SOCS7: variants seen among roughly 807,000 people sequenced by gnomAD.
The protein encoded by SOCS7 is NAP-4.
A neutral mutation model predicts 58.9 loss-of-function variants in SOCS7; 18 were observed. That is an observed-to-expected ratio of 0.31 (90% CI 0.21 to 0.45). SOCS7 has a LOEUF of 0.45. SOCS7 is among the 20% of genes least tolerant of loss of function. SOCS7 has a pLI of 1.00. For synonymous variants in SOCS7, 388 were observed against 364.3 expected, an observed-to-expected ratio of 1.06 and a Z score of -0.74; for missense variants, 667 against 837.3, an observed-to-expected ratio of 0.80 and a Z score of 2.51.
chr17:38,362,523 C>A (rs1004778839), intron 2 of SOCS7, among the ~76,000 whole-genome samples: 1 of 152,148 alleles, frequency 6.6e-6, no homozygotes, highest in Non-Finnish European at 1.5e-5. Flanking sequence ...GACTGAGAAG[C>A]CTTTAAAAAA....
At chr17:38,398,779 T>C (rs776179976) in intron 9 of SOCS7, among the ~76,000 whole-genome samples, 1 of 152,116 alleles carries the variant, frequency 6.6e-6, no homozygotes, top group Non-Finnish European at 1.5e-5. Context: ...CCCTGTCCAG[T>C]TGACAGAAGC....
rs770562468 is a variant in SOCS7 at position 38,377,851 on chromosome 17, G to A, written c.1681+9G>A. 13 of 1,607,784 alleles carry A rather than the reference G, an allele frequency of 8.1e-6. No individual in the cohort carries two copies. In the African/African-American group the frequency reaches 1.1e-4, roughly 13 times the overall value. ...AAGATCCAGGGTTCCAGGTAAGGCT[G>A]TACTTCTGTTAATTATTTAACTTAA... On this transcript the variant is annotated intron_variant, in intron 7 of 9. Coordinates refer to ENST00000612932, the MANE Select transcript of SOCS7 (RefSeq NM_014598.4).
chr17:38,356,601 G>T (rs759446130), intron 1 of SOCS7, among the ~76,000 whole-genome samples: 20 of 151,924 alleles, frequency 1.3e-4, no homozygotes, highest in Non-Finnish European at 2.5e-4. Context: ...CTGAGCTCAG[G>T]CAGTCCGCCC....
intron 7 of SOCS7, among the ~76,000 whole-genome samples, chr17:38,391,455 A>G (rs575737722): frequency 3.3e-5 from 5 of 152,278 alleles, no homozygotes; most frequent in African/African-American, 1.2e-4. Context: ...CAGTGGTACA[A>G]TCATAGCTCA....
rs1322341830 is a variant in SOCS7 at position 38,368,067 on chromosome 17, A to G, written c.1552+17A>G. On this transcript the variant is annotated intron_variant, in intron 6 of 9. Transcript: ENST00000612932. ...ACTACAGAGGTAAGAGATACTGGTA[A>G]GAGAGGCTTCTTCCCCCCTTGATTT... 1.3e-6 allele frequency: 2 copies of G among 1,571,730 alleles called. No individual in the cohort carries two copies. Among genetic ancestry groups the G allele is most frequent in the Admixed American group, 3.6e-5 (2 of 55,476 alleles).
At position 38,405,200 on chromosome 17, in the gene SOCS7, G is replaced by A. The variant is rs1341050106; in HGVS notation, c.*5718G>A. ...ACTAAATGGTTAAAATAGACTTGCA[G>A]GCCAATCTTAAATGGGGTGGGAGGG... On this transcript the variant is annotated 3_prime_UTR_variant, in exon 10 of 10. Transcript: ENST00000612932. The A allele has an allele frequency of 6.6e-6, 1 of 152,104 alleles. No individual in the cohort carries two copies. Among genetic ancestry groups the A allele is most frequent in the Non-Finnish European group, 1.5e-5 (1 of 68,030 alleles). 9.4% of individuals were successfully genotyped at this position (152,104 alleles called of 1,614,324 possible). A position where few individuals can be genotyped will look rare whatever the true frequency, so the allele number is the denominator to read the frequency against.
intron 7 of SOCS7, among the ~76,000 whole-genome samples, chr17:38,387,047 A>G (rs1255720104): frequency 1.5e-5 from 2 of 136,746 alleles, no homozygotes; most frequent in African/African-American, 5.7e-5. Context: ...GCGCCACTGC[A>G]TTTCAGCCTG....
In SOCS7 at chr17:38,352,464, A is replaced by G. The variant is rs1175937237; in HGVS notation, c.412A>G (p.Lys138Glu). Reference protein sequence around the residue: ...GLGQPAGPGVKTVGGGCCPCP... With the variant: ...GLGQPAGPGVETVGGGCCPCP... ...CGGGCAGCCGGCGGGGCCGGGGGTC[A>G]AGACAGTCGGTGGGGGTTGCTGCCC... Residue 138 changes from lysine (K) to glutamate (E), a missense_variant, in exon 1 of 10, where the codon AAG (lysine) becomes GAG (glutamate). By Grantham distance (56) the Lys-to-Glu change is moderately conservative. Around this residue, in one of 9 missense-constraint regions of SOCS7, gnomAD observed 154 missense variants for 156.3 expected, o/e 0.98. Transcript: ENST00000612932. The surrounding 1 kb of genome is among the most constrained non-coding windows in gnomAD (Gnocchi z 5.5). 1 of 1,504,104 alleles carries G rather than the reference A, an allele frequency of 6.6e-7. No individual in the cohort carries two copies. Among genetic ancestry groups the G allele is most frequent in the East Asian group, 2.5e-5 (1 of 40,338 alleles). The allele number at this position is 1,504,104 out of a possible 1,614,324, so 93.2% of individuals were successfully genotyped here. A position where few individuals can be genotyped will look rare whatever the true frequency, so the allele number is the denominator to read the frequency against.
chr17:38,384,189 G>T (rs753263739), intron 7 of SOCS7, among the ~76,000 whole-genome samples: 2 of 152,120 alleles, frequency 1.3e-5, no homozygotes, highest in Non-Finnish European at 2.9e-5. Flanking sequence ...AATAAACCCT[G>T]TGTATCCATC....
chr17:38,366,363 C>T lies in SOCS7; in HGVS notation c.1329C>T (p.Pro443=). The stretch of plus-strand genomic sequence containing the variant: ...AACCCCCACAGCACCTCCAGTGTCC[C>T]CTCTACCGGCCTGACTCGAGCAGCT... The part of the protein sequence containing the change: ...HSQPPQHLQC[P]LYRPDSSSFA... Residue 443 remains proline, a synonymous_variant, in exon 5 of 10, where the codon CCC becomes CCT. Transcript: ENST00000612932. 1.9e-6 allele frequency: 3 copies of T among 1,614,218 alleles called. No homozygotes were observed. Among genetic ancestry groups the T allele is most frequent in the Non-Finnish European group, 2.5e-6 (3 of 1,180,038 alleles).
chr17:38,367,703 T>C (rs1003129571), intron 5 of SOCS7, among the ~76,000 whole-genome samples, 179 bp from the exon 6 acceptor site: 2 of 152,256 alleles, frequency 1.3e-5, no homozygotes, highest in Non-Finnish European at 2.9e-5. Flanking sequence ...TTTGGAGGGC[T>C]AAAAGTATAG....
chr17:38,356,076 A>G (rs1372125932), intron 1 of SOCS7, among the ~76,000 whole-genome samples: 7 of 151,688 alleles, frequency 4.6e-5, no homozygotes, highest in Admixed American at 6.6e-5. Context: ...TTTTTAGTAG[A>G]GCTGGGGTTT....
intron 5 of SOCS7, among the ~76,000 whole-genome samples, chr17:38,367,539 A>T (rs1203047657): frequency 6.6e-6 from 1 of 151,068 alleles, no homozygotes; most frequent in African/African-American, 2.4e-5. Flanking sequence ...AAACCCAGCT[A>T]ATTTTTGTAT....
chr17:38,362,634 C>G (rs1199076551), intron 2 of SOCS7, among the ~76,000 whole-genome samples: 1 of 152,166 alleles, frequency 6.6e-6, no homozygotes, highest in East Asian at 1.9e-4. Flanking sequence ...GTTAAGCAGG[C>G]CAATGAGACT....
chr17:38,382,246 A>G (rs985288183), intron 7 of SOCS7, among the ~76,000 whole-genome samples: 5 of 151,804 alleles, frequency 3.3e-5, no homozygotes, highest in Non-Finnish European at 7.4e-5. Flanking sequence ...TGGATAATGT[A>G]GAGAGACCTC....
intron 1 of SOCS7, among the ~76,000 whole-genome samples, chr17:38,357,105 A>G (rs1281919715): frequency 6.6e-6 from 1 of 152,196 alleles, no homozygotes; most frequent in Non-Finnish European, 1.5e-5. Context: ...TGGGGGGGAA[A>G]AAAACAAAAT....
intron 7 of SOCS7, among the ~76,000 whole-genome samples, chr17:38,390,450 C>A (rs191656998): frequency 5.9e-5 from 9 of 152,182 alleles, no homozygotes; most frequent in Non-Finnish European, 1.2e-4. Context: ...TGCAAAGAAG[C>A]CTACTGAGAT....
intron 7 of SOCS7, 76 bp downstream of exon 7, chr17:38,377,918 A>T (rs1259988286): frequency 4.9e-6 from 7 of 1,433,668 alleles, no homozygotes; most frequent in Non-Finnish European, 6.7e-6. Context: ...CACCATCCCC[A>T]CAAAAGGCCA....
Position 38,351,949 on chromosome 17 carries a change from G to T in SOCS7, c.-104G>T, listed in dbSNP as rs1321839631. Among the ~76,000 whole-genome samples the T allele has an allele frequency of 2.0e-5, 3 of 151,308 alleles. No individual in the cohort carries two copies. The highest frequency in any genetic ancestry group is 7.3e-5 in the African/African-American group (3 of 41,320). On this transcript the variant is annotated 5_prime_UTR_variant, in exon 1 of 10. Transcript: ENST00000612932. The stretch of plus-strand genomic sequence containing the variant: ...GAGGCAGAGGCCGCGGCGGCCGTTA[G>T]CGCTGTCGCTCCGGGGGCCGCGGCG...
Sources: allele counts gnomAD v4.1 joint callset (sites outside exome capture counted in the v4.1 genomes callset), GRCh38; gene constraint gnomAD v4.1.1; regional missense constraint gnomAD v4.1.1; non-coding constraint Gnocchi (gnomAD v3.1); transcripts MANE v1.5; gene names NCBI Gene and HGNC (gene_info 2026-07-23, HGNC 2026-07-21).